The following WDR64 variants were observed in gnomAD, a reference collection of about 807,000 sequenced individuals.
WDR64 encodes WD repeat domain 64.
In WDR64, 112 loss-of-function variants were observed where a neutral mutation model predicts 139.3. That is an observed-to-expected ratio of 0.80 (90% confidence interval 0.69 to 0.94). WDR64 has a LOEUF of 0.94. Among genes scored for constraint, WDR64 ranks in the 40% least tolerant of loss-of-function variants. The pLI is 0.00. For synonymous variants in WDR64, 444 were observed against 437.7 expected, an observed-to-expected ratio of 1.01 and a Z score of -0.18; for missense variants, 1,206 against 1,293.1, an observed-to-expected ratio of 0.93 and a Z score of 1.03.
chr1:241,697,578 G>T (rs74341142), intron 8 of WDR64, among the ~76,000 whole-genome samples: 2 of 152,232 alleles, frequency 1.3e-5, no homozygotes, highest in Non-Finnish European at 2.9e-5. Context: ...GAGCCACCAT[G>T]CCCAGCTTAA....
At chr1:241,666,164 A>G (rs1666018026) in intron 2 of WDR64, among the ~76,000 whole-genome samples, 2 of 152,190 alleles carry the variant, frequency 1.3e-5, no homozygotes, top group African/African-American at 4.8e-5. Context: ...CATAATATAT[A>G]TATAAGTGAT....
chr1:241,748,722 G>A (rs1432556080), intron 13 of WDR64, among the ~76,000 whole-genome samples: 1 of 152,102 alleles, frequency 6.6e-6, no homozygotes, highest in African/African-American at 2.4e-5. Flanking sequence ...GGCAGATCAT[G>A]AGGTCAGGAG....
At chr1:241,662,374 AGAATT>A (rs1665864353) in intron 2 of WDR64, among the ~76,000 whole-genome samples, 4 of 152,186 alleles carry the variant, frequency 2.6e-5, no homozygotes, top group African/African-American at 9.7e-5. Flanking sequence ...GGTTGTTGGC[AGAATT>A]CAATGCCTTG....
At chr1:241,713,539 G>A (rs10926543) in intron 9 of WDR64, among the ~76,000 whole-genome samples, 69,630 of 140,356 alleles carry the variant, frequency 0.5, 16,875 homozygotes, top group Non-Finnish European at 0.55. Flanking sequence ...GCAAGGAAGG[G>A]AGGGAGGGAG....
chr1:241,764,110 A>G (rs1341941904), intron 15 of WDR64, among the ~76,000 whole-genome samples: 1 of 152,182 alleles, frequency 6.6e-6, no homozygotes, highest in Non-Finnish European at 1.5e-5. Context: ...GTGTGGCTGG[A>G]GTAATACTGG....
chr1:241,766,921 C>T (rs576280806), intron 16 of WDR64, among the ~76,000 whole-genome samples: 1 of 152,252 alleles, frequency 6.6e-6, no homozygotes, highest in Non-Finnish European at 1.5e-5. Context: ...CATGTGTGAT[C>T]TTGCCCAAAT....
intron 9 of WDR64, among the ~76,000 whole-genome samples, chr1:241,720,456 C>G (rs1428285931): frequency 6.6e-6 from 1 of 152,178 alleles, no homozygotes; most frequent in Non-Finnish European, 1.5e-5. Flanking sequence ...CGCAACTTTG[C>G]CAGCATCTCT....
rs116657387 is a variant in WDR64 at position 241,681,219 on chromosome 1, T to A, written c.624+1624T>A. ...TTTGTGAGATTTTGGTGCACCCATC[T>A]CCCAAGCAGTATGTACTGAACCCAA... On this transcript the variant is annotated intron_variant, in intron 6 of 27. Coordinates refer to ENST00000437684, the MANE Select transcript of WDR64 (RefSeq NM_001367482.1). 7.2e-3 allele frequency among the ~76,000 whole-genome samples: 1,098 copies of A among 152,230 alleles called. 14 individuals carry two copies. The highest frequency in any genetic ancestry group is 0.017 in the Middle Eastern group (5 of 294).
chr1:241,674,979 T>G (rs1666431019), intron 4 of WDR64, among the ~76,000 whole-genome samples: 3 of 35,482 alleles, frequency 8.5e-5, no homozygotes, highest in African/African-American at 1.5e-4. Flanking sequence ...TTTCTTTCCT[T>G]CTTTCCTCCC....
At chr1:241,730,058 T>A (rs1302755101) in intron 10 of WDR64, among the ~76,000 whole-genome samples, 1 of 152,090 alleles carries the variant, frequency 6.6e-6, no homozygotes, top group Non-Finnish European at 1.5e-5. Flanking sequence ...AAATATACTA[T>A]GTATTATAAA....
intron 10 of WDR64, among the ~76,000 whole-genome samples, chr1:241,736,626 A>G (rs979306284): frequency 2.6e-5 from 4 of 152,164 alleles, no homozygotes; most frequent in African/African-American, 7.2e-5. Context: ...AGTATGACGC[A>G]GAAGGTTTTT....
At chr1:241,719,738 A>G (rs1441952124) in intron 9 of WDR64, among the ~76,000 whole-genome samples, 2 of 152,190 alleles carry the variant, frequency 1.3e-5, no homozygotes, top group Non-Finnish European at 2.9e-5. Flanking sequence ...GTGGCCCAAT[A>G]TATAATATCA....
At chr1:241,758,233 T>C (rs1165999902) in intron 15 of WDR64, among the ~76,000 whole-genome samples, 1 of 146,396 alleles carries the variant, frequency 6.8e-6, no homozygotes, top group African/African-American at 2.6e-5. Flanking sequence ...GACTACAACA[T>C]TGATTTTTTT....
At position 241,775,226 on chromosome 1, in the gene WDR64, T is replaced by TA; in HGVS notation, c.2536+17dup. 1 of 1,541,384 alleles carries TA rather than the reference T, an allele frequency of 6.5e-7. No individual in the cohort carries two copies. Among genetic ancestry groups the TA allele is most frequent in the South Asian group, 1.2e-5 (1 of 82,980 alleles). ...GGAAATGTGGGTGAGTCATTACTCT[T>TA]AGACATTCAGTGACAGGTGTCTTAA... On this transcript the variant is annotated intron_variant, in intron 21 of 27. Coordinates refer to ENST00000437684, the MANE Select transcript of WDR64 (RefSeq NM_001367482.1).
chr1:241,683,469 T>G lies in WDR64; in HGVS notation c.625-18T>G. 6.5e-7 allele frequency: 1 copy of G among 1,549,682 alleles called. No homozygotes were observed. The highest frequency in any genetic ancestry group is 8.7e-7 in the Non-Finnish European group (1 of 1,145,288). On this transcript the variant is annotated intron_variant, in intron 6 of 27. Coordinates refer to ENST00000437684, the MANE Select transcript of WDR64 (RefSeq NM_001367482.1). ...AGAGCAAAGTAATAATTCATTAAAGTCATTTTTCTGTTTCTAGGAAAATTA... is the reference window on the plus strand; with the variant it reads ...AGAGCAAAGTAATAATTCATTAAAGGCATTTTTCTGTTTCTAGGAAAATTA...
chr1:241,678,712 C>T (rs1666656529), intron 5 of WDR64, among the ~76,000 whole-genome samples: 1 of 151,984 alleles, frequency 6.6e-6, no homozygotes, highest in South Asian at 2.1e-4. Flanking sequence ...TGCAGAATCT[C>T]ATTATGGATT....
intron 2 of WDR64, 133 bp downstream of exon 2, chr1:241,660,793 C>G: frequency 1.1e-6 from 1 of 922,642 alleles, no homozygotes; most frequent in South Asian, 1.8e-5. Flanking sequence ...AATACCTACA[C>G]CCATTAGGAC....
At chr1:241,759,554 TA>T (rs1670344439) in intron 15 of WDR64, among the ~76,000 whole-genome samples, 1 of 152,174 alleles carries the variant, frequency 6.6e-6, no homozygotes, top group Non-Finnish European at 1.5e-5. Flanking sequence ...ATGCTCTTTT[TA>T]AAAAATATAA....
At position 241,786,785 on chromosome 1, in the gene WDR64, G is replaced by A. The variant is rs79048806; in HGVS notation, c.2706-1064G>A. 5.1e-3 allele frequency among the ~76,000 whole-genome samples: 779 copies of A among 152,194 alleles called. 8 individuals are homozygous for A. The highest frequency in any genetic ancestry group is 0.018 in the African/African-American group (739 of 41,542). ...AACAAGTGTTCTGATTAGCTTGAAC[G>A]GGCAGTGTTATTTTCCCAAAAGAAA... On this transcript the variant is annotated intron_variant, in intron 23 of 27. Transcript: ENST00000437684.
Sources: gnomAD v4.1 joint callset for allele counts (sites outside exome capture counted in the v4.1 genomes callset) on GRCh38, gnomAD v4.1.1 for gene constraint, MANE v1.5 for transcripts, NCBI Gene and HGNC (gene_info 2026-07-23, HGNC 2026-07-21) for gene names.